PUDP: variants seen among roughly 807,000 people sequenced by gnomAD.
The protein encoded by PUDP is pseudouridine 5'-phosphatase.
PUDP carries 8 observed loss-of-function variants against 9.4 expected under a neutral mutation model. The ratio of observed to expected loss-of-function variants is 0.85; its 90% CI spans 0.50 to 1.53. The LOEUF (loss-of-function observed/expected upper bound fraction) is 1.53. PUDP is among the 40% of genes most tolerant of loss of function. PUDP has a pLI of 0.00. For missense variants in PUDP, 188 were observed against 189.7 expected (o/e 0.99, Z 0.05); for synonymous variants, 99 against 80.7 (o/e 1.23, Z -1.22).
chrX:7,080,495 C>A (rs1045390767), intron 2 of PUDP, among the ~76,000 whole-genome samples: 5 of 111,768 alleles, frequency 4.5e-5, no homozygotes, highest in African/African-American at 1.3e-4. Flanking sequence ...CAAAACCAGA[C>A]AAAAGCCAGA....
chrX:6,816,328 T>C (rs1406420426), intron 3 of PUDP, among the ~76,000 whole-genome samples: 2 of 104,638 alleles, frequency 1.9e-5, no homozygotes, highest in African/African-American at 3.4e-5. Context: ...ATATGTACTA[T>C]GTGACACGTA....
Position 7,004,691 on chromosome X carries a change from A to G in PUDP, c.205-26348T>C, listed in dbSNP as rs748136183. Among the ~76,000 whole-genome samples the G allele has an allele frequency of 5.3e-5, 6 of 112,310 alleles. No individual in the cohort carries two copies. In the South Asian group the frequency reaches 2.2e-3, roughly 42 times the overall value. On this transcript the variant is annotated intron_variant and NMD_transcript_variant, in intron 1 of 3. Transcript: ENST00000655425. ...TGAAAAATAGTGATTTTATATTTAG[A>G]TGATACTCAGATCTTCTGCTACATA...
chrX:7,148,000 C>T (rs1239061187), intron 1 of PUDP, 53 bp downstream of exon 1: 1 of 988,701 alleles, frequency 1.0e-6, no homozygotes, highest in Non-Finnish European at 1.4e-6. Context: ...CCGACCGTCC[C>T]CACGCCCACA....
At chrX:6,907,000 A>G (rs892648445) in intron 3 of PUDP, among the ~76,000 whole-genome samples, 2 of 110,319 alleles carry the variant, frequency 1.8e-5, no homozygotes, top group African/African-American at 6.6e-5. Flanking sequence ...TCTTAGGCAC[A>G]CTCCCTCAGT....
At chrX:6,797,353 C>A (rs1925861360) in intron 3 of PUDP, among the ~76,000 whole-genome samples, 1 of 111,829 alleles carries the variant, frequency 8.9e-6, no homozygotes, top group Admixed American at 9.5e-5. Context: ...ATACAGTCCT[C>A]TCCTACATTG....
chrX:6,933,277 C>G (rs1035037115), intron 3 of PUDP, among the ~76,000 whole-genome samples: 5 of 110,368 alleles, frequency 4.5e-5, no homozygotes, highest in African/African-American at 1.6e-4. Flanking sequence ...GGGTACTCCT[C>G]TGAGACAAAA....
At chrX:7,009,565 C>G (rs1440576897) in intron 1 of PUDP, among the ~76,000 whole-genome samples, 1 of 111,354 alleles carries the variant, frequency 9.0e-6, no homozygotes, top group African/African-American at 3.3e-5. Context: ...TAGCAAGGAA[C>G]TTTATGATGA....
chrX:6,744,640 G>T (rs930840127), intron 3 of PUDP, among the ~76,000 whole-genome samples: 3 of 110,987 alleles, frequency 2.7e-5, no homozygotes, highest in African/African-American at 9.9e-5. Context: ...CAAAACTGGG[G>T]CAGGGAGGAG....
intron 3 of PUDP, among the ~76,000 whole-genome samples, chrX:6,898,244 T>C (rs760667575): frequency 8.9e-6 from 1 of 112,820 alleles, no homozygotes; most frequent in Admixed American, 9.3e-5. Flanking sequence ...ATCATGGAAG[T>C]AGACACCTCT....
intron 3 of PUDP, among the ~76,000 whole-genome samples, chrX:7,055,610 C>T (rs1417882482): frequency 9.0e-6 from 1 of 110,924 alleles, no homozygotes; most frequent in Non-Finnish European, 1.9e-5. Flanking sequence ...ATCTAATGCA[C>T]TTGTAAATAG....
At chrX:7,116,500 G>A (rs1932197127) in intron 1 of PUDP, among the ~76,000 whole-genome samples, 1 of 110,757 alleles carries the variant, frequency 9.0e-6, no homozygotes, top group African/African-American at 3.3e-5. Context: ...GTGGATGGTG[G>A]GCCAGGCACT....
At chrX:6,971,071 CA>C (rs1005800454) in intron 3 of PUDP, among the ~76,000 whole-genome samples, 1 of 107,605 alleles carries the variant, frequency 9.3e-6, no homozygotes, top group African/African-American at 3.4e-5. Flanking sequence ...AACAAAAAAA[CA>C]AAAAAAAACA....
intron 1 of PUDP, among the ~76,000 whole-genome samples, chrX:7,110,468 G>C (rs754743258): frequency 2.7e-5 from 3 of 111,900 alleles, no homozygotes; most frequent in Non-Finnish European, 5.6e-5. Flanking sequence ...TTTTATAACT[G>C]TGAGTTGCGT....
At chrX:7,072,492 A>C (rs948681134) in intron 3 of PUDP, among the ~76,000 whole-genome samples, 5 of 111,590 alleles carry the variant, frequency 4.5e-5, no homozygotes, top group Non-Finnish European at 7.5e-5. Context: ...AAACTAAAAC[A>C]CGCAAAGTAG....
At chrX:6,792,307 G>A (rs748696069) in intron 3 of PUDP, among the ~76,000 whole-genome samples, 2 of 109,891 alleles carry the variant, frequency 1.8e-5, no homozygotes, top group Non-Finnish European at 3.8e-5. Context: ...CCAGGCAGCA[G>A]AATGCCCTCA....
At chrX:6,750,595 T>A (rs1025811658) in intron 3 of PUDP, among the ~76,000 whole-genome samples, 2 of 111,641 alleles carry the variant, frequency 1.8e-5, no homozygotes, top group Non-Finnish European at 3.8e-5. Flanking sequence ...CCTGGTAGGC[T>A]TTGTTGAAAA....
At chrX:7,071,760 C>A (rs903081750) in intron 3 of PUDP, among the ~76,000 whole-genome samples, 14 of 97,335 alleles carry the variant, frequency 1.4e-4, no homozygotes, top group African/African-American at 3.4e-4. Context: ...TAAGTCACCA[C>A]CCAGAATGTA....
chrX:6,845,070 C>T (rs925305003), intron 3 of PUDP, among the ~76,000 whole-genome samples: 2 of 112,252 alleles, frequency 1.8e-5, no homozygotes, highest in Admixed American at 1.9e-4. Context: ...GATTCAAATG[C>T]TCATCTCTTC....
At chrX:7,128,062 A>T (rs749447998) in intron 1 of PUDP, among the ~76,000 whole-genome samples, 1 of 111,439 alleles carries the variant, frequency 9.0e-6, no homozygotes, top group African/African-American at 3.3e-5. Flanking sequence ...TGTTTTTGGT[A>T]ACAGAGTCTC....
Sources: gnomAD v4.1 joint callset for allele counts (sites outside exome capture counted in the v4.1 genomes callset) on GRCh38, gnomAD v4.1.1 for gene constraint, MANE v1.5 for transcripts, NCBI Gene and HGNC (gene_info 2026-07-23, HGNC 2026-07-21) for gene names.